Variants in SGIP1 observed in about 807,000 individuals in gnomAD.
SGIP1 encodes the protein SH3GL interacting endocytic adaptor 1, also known as SH3-containing GRB2-like protein 3-interacting protein 1.
In SGIP1, 38 loss-of-function variants were observed where a neutral mutation model predicts 107.5. That is an observed-to-expected ratio of 0.35 (90% CI 0.27 to 0.46). The LOEUF is 0.46. Among genes scored for constraint, SGIP1 ranks in the 20% least tolerant of loss-of-function variants. The pLI is 1.00. For missense variants in SGIP1, 929 were observed against 1,019.5 expected (o/e 0.91, Z 1.21); for synonymous variants, 365 against 366.1 (o/e 1.00, Z 0.03).
At chr1:66,704,174 T>G (rs970424809) in intron 18 of SGIP1, 3 of 152,084 alleles carry the variant, frequency 2.0e-5, no homozygotes, top group Non-Finnish European at 2.9e-5. Context: ...TTGCCTGCTT[T>G]GGAGAAGTTT....
intron 3 of SGIP1, chr1:66,634,103 G>T (rs2075332042): frequency 6.2e-7 from 1 of 1,609,004 alleles, no homozygotes; most frequent in Non-Finnish European, 8.5e-7. Context: ...AGACCCAGAA[G>T]ACTCAGCTTC....
intron 1 of SGIP1, among the ~76,000 whole-genome samples, chr1:66,598,920 C>T (rs12061222): frequency 0.051 from 7,731 of 152,026 alleles, 602 homozygotes; most frequent in African/African-American, 0.17. Context: ...CTTGCAAAGC[C>T]GAGTTTTAGA....
At chr1:66,589,655 C>A (rs1414141138) in intron 1 of SGIP1, among the ~76,000 whole-genome samples, 7 of 152,090 alleles carry the variant, frequency 4.6e-5, no homozygotes, top group Non-Finnish European at 7.4e-5. Flanking sequence ...TGTAATTACC[C>A]CCAGCCCCTG....
chr1:66,694,444 G>T, intron 17 of SGIP1: 2 of 1,607,638 alleles, frequency 1.2e-6, no homozygotes, highest in Non-Finnish European at 1.7e-6. Flanking sequence ...CGTAGTGTCA[G>T]AAGACGATGT....
intron 1 of SGIP1, among the ~76,000 whole-genome samples, chr1:66,535,635 G>T (rs866782949): frequency 1.3e-5 from 2 of 152,184 alleles, no homozygotes; most frequent in African/African-American, 4.8e-5. Flanking sequence ...TAAAAGAGAG[G>T]TTGGGTATGA....
chr1:66,657,678 C>A (rs2080063304), intron 7 of SGIP1, among the ~76,000 whole-genome samples: 1 of 152,032 alleles, frequency 6.6e-6, no homozygotes, highest in Admixed American at 6.6e-5. Flanking sequence ...TTTCAACAAG[C>A]TTTGTCAGTC....
intron 1 of SGIP1, among the ~76,000 whole-genome samples, chr1:66,573,828 T>C (rs2060708006): frequency 6.6e-6 from 1 of 152,022 alleles, no homozygotes; most frequent in South Asian, 2.1e-4. Flanking sequence ...ACCCAGGTGA[T>C]GAAAAATAAT....
In SGIP1 at chr1:66,741,281, C is replaced by A; in HGVS notation, c.2309C>A (p.Ser770Tyr). 1 of 1,581,898 alleles carries A rather than the reference C, an allele frequency of 6.3e-7. No homozygotes were observed. The highest frequency in any genetic ancestry group is 8.6e-7 in the Non-Finnish European group (1 of 1,165,364). Residue 770 changes from serine to tyrosine, a missense_variant, in exon 24 of 25, where the codon TCT (serine) becomes TAT (tyrosine). Coordinates refer to ENST00000371037, the MANE Select transcript of SGIP1 (RefSeq NM_032291.4). The part of the protein sequence containing the change: ...SQKSENGGVG[S>Y]LLARFQLSEG... ...ATGTGTTTTTTTTTAGGGGTGGGTT[C>A]TTTGTTGGCAAGATTTCAGTTATCT...
chr1:66,616,585 A>G (rs911830025), intron 1 of SGIP1, among the ~76,000 whole-genome samples: 3 of 152,178 alleles, frequency 2.0e-5, no homozygotes, highest in South Asian at 2.1e-4. Context: ...GAAGTTTCCA[A>G]TCTCAAAGCT....
intron 21 of SGIP1, 123 bp downstream of exon 21, chr1:66,734,003 ATT>A: frequency 9.4e-7 from 1 of 1,058,236 alleles, no homozygotes; most frequent in Non-Finnish European, 1.3e-6. Flanking sequence ...GCTATAACTC[ATT>A]TTTTTAAATG....
intron 15 of SGIP1, among the ~76,000 whole-genome samples, chr1:66,685,384 T>A (rs1280953279): frequency 1.3e-4 from 20 of 152,238 alleles, no homozygotes; most frequent in Admixed American, 1.2e-3. Context: ...AAGTTATAAA[T>A]ACCTGTTTTG....
chr1:66,642,895 T>C, intron 6 of SGIP1, 31 bp downstream of exon 6: 5 of 1,554,942 alleles, frequency 3.2e-6, no homozygotes, highest in Non-Finnish European at 4.4e-6. Context: ...TATTTTAATT[T>C]TCATTCACTC....
intron 1 of SGIP1, among the ~76,000 whole-genome samples, chr1:66,556,538 C>T (rs929647209): frequency 1.3e-5 from 2 of 152,080 alleles, no homozygotes; most frequent in Non-Finnish European, 2.9e-5. Flanking sequence ...TCCAGGCTTG[C>T]AATGGAGCTG....
chr1:66,683,744 T>A (rs2087462187), intron 15 of SGIP1, among the ~76,000 whole-genome samples: 1 of 130,046 alleles, frequency 7.7e-6, no homozygotes, highest in Non-Finnish European at 1.6e-5. Flanking sequence ...GGTCTTGCTC[T>A]GATGCCCAGG....
intron 21 of SGIP1, among the ~76,000 whole-genome samples, chr1:66,734,748 C>A (rs893559075): frequency 1.3e-5 from 2 of 152,058 alleles, no homozygotes; most frequent in Non-Finnish European, 2.9e-5. Flanking sequence ...TCAGGTGATC[C>A]GCCCGCATCA....
rs117813217 is a variant in SGIP1 at position 66,687,844 on chromosome 1, A to G, written c.1316-1304A>G. ...TGGAGACAGAGAGGGAGCAGGGGTAATAATTAGTAGGTTTCACACGAATGT... is the reference window on the plus strand; with the variant it reads ...TGGAGACAGAGAGGGAGCAGGGGTAGTAATTAGTAGGTTTCACACGAATGT... On this transcript the variant is annotated intron_variant, in intron 15 of 24. Transcript: ENST00000371037. 1.7e-3 allele frequency among the ~76,000 whole-genome samples: 257 copies of G among 152,348 alleles called. 8 individuals are homozygous for G. The East Asian group carries it at 0.044, about 26-fold the overall frequency.
At chr1:66,615,186 G>C (rs578201735) in intron 1 of SGIP1, among the ~76,000 whole-genome samples, 151 of 152,154 alleles carry the variant, frequency 9.9e-4, no homozygotes, top group Middle Eastern at 3.4e-3. Context: ...CCAGGCTGGA[G>C]TGCAATGCTA....
In SGIP1 at chr1:66,656,661, C is replaced by G. The variant is rs1435808586; in HGVS notation, c.460-3852C>G. 2.0e-5 allele frequency among the ~76,000 whole-genome samples: 3 copies of G among 152,326 alleles called. No individual in the cohort carries two copies. The East Asian group carries it at 5.8e-4, about 29-fold the overall frequency. On this transcript the variant is annotated intron_variant, in intron 7 of 24. Coordinates refer to ENST00000371037, the MANE Select transcript of SGIP1 (RefSeq NM_032291.4). ...ATTACTGATTATCTTTCTCCTTCCC[C>G]TGCTCCCAGATGTAAACCCATTGGA... is the stretch of plus-strand genomic sequence containing the variant.
At chr1:66,630,835 G>GAA (rs1301267457) in intron 2 of SGIP1, among the ~76,000 whole-genome samples, 1 of 7,860 alleles carries the variant, frequency 1.3e-4, no homozygotes, top group Non-Finnish European at 1.9e-4. Context: ...AAGAAAGAAA[G>GAA]AAAGAAAGAA....
Sources: gnomAD v4.1 joint callset for allele counts (sites outside exome capture counted in the v4.1 genomes callset) on GRCh38, gnomAD v4.1.1 for gene constraint, MANE v1.5 for transcripts, NCBI Gene and HGNC (gene_info 2026-07-23, HGNC 2026-07-21) for gene names.